The following TENM2 variants were observed in gnomAD, a reference collection of about 807,000 sequenced individuals.
TENM2 encodes teneurin transmembrane protein 2, also known as teneurin-2.
TENM2 carries 52 observed loss-of-function variants against 245.2 expected under a neutral mutation model. The observed-to-expected ratio is 0.21, with a 90% CI of 0.17 to 0.27. The LOEUF (loss-of-function observed/expected upper bound fraction) is 0.27. TENM2 is among the 10% of genes least tolerant of loss of function. The probability of loss-of-function intolerance (pLI) is 1.00; values close to 1 mark genes in which losing one functional copy is unlikely to be tolerated. For missense variants in TENM2, 3,046 were observed against 3,666.8 expected (o/e 0.83, Z 4.37); for synonymous variants, 1,363 against 1,438.9 (o/e 0.95, Z 1.19).
At chr5:167,733,532 T>C (rs1760582716) in intron 2 of TENM2, among the ~76,000 whole-genome samples, 1 of 152,172 alleles carries the variant, frequency 6.6e-6, no homozygotes. Flanking sequence ...ACAAGAAAAC[T>C]GTGATCTAAA....
intron 1 of TENM2, among the ~76,000 whole-genome samples, chr5:167,367,855 A>G (rs553408258): frequency 4.6e-5 from 7 of 152,240 alleles, no homozygotes; most frequent in South Asian, 2.1e-4. Context: ...ATAACTTTCT[A>G]TGGGCAAAAA....
Position 167,427,552 on chromosome 5 carries a change from C to T in TENM2, c.502+52079C>T, listed in dbSNP as rs71603831. Among the ~76,000 whole-genome samples, 170 of 33,344 alleles carry T rather than the reference C, an allele frequency of 5.1e-3. 1 individual carries two copies. Among genetic ancestry groups the T allele is most frequent in the African/African-American group, 0.019 (158 of 8,498 alleles). The allele number at this position is 33,344 out of a possible 152,430, so 21.9% of individuals were successfully genotyped here. The stretch of plus-strand genomic sequence containing the variant: ...GGAAGGATGGGAAGGAAGGGAAGGA[C>T]GGGAAGGAAGGGAAGGAAGGAAGGA... On this transcript the variant is annotated intron_variant, in intron 2 of 28. Transcript: ENST00000518659.
chr5:167,503,168 G>A (rs190119822), intron 2 of TENM2, among the ~76,000 whole-genome samples: 2 of 152,168 alleles, frequency 1.3e-5, no homozygotes, highest in East Asian at 3.9e-4. Context: ...ACATTTTATT[G>A]TGCAAAATTT....
intron 2 of TENM2, among the ~76,000 whole-genome samples, chr5:167,840,777 G>A (rs1021586936): frequency 4.6e-5 from 7 of 152,126 alleles, no homozygotes; most frequent in Admixed American, 4.6e-4. Flanking sequence ...CAGCGTGGCA[G>A]TAAAGATCAC....
chr5:167,002,477 T>A, the TENM2 span, among the ~76,000 whole-genome samples: 4 of 151,614 alleles, frequency 2.6e-5, no homozygotes, highest in African/African-American at 9.7e-5. Flanking sequence ...CAATCTGGAG[T>A]AAAATAAAAT....
At chr5:167,264,361 T>C in the TENM2 span, among the ~76,000 whole-genome samples, 45 of 152,332 alleles carry the variant, frequency 3.0e-4, no homozygotes, top group African/African-American at 1.1e-3. Context: ...CCGTCCAGTC[T>C]TCAGCTTCTT....
At chr5:168,047,990 G>A (rs1011783968) in intron 6 of TENM2, among the ~76,000 whole-genome samples, 1 of 152,202 alleles carries the variant, frequency 6.6e-6, no homozygotes. Flanking sequence ...CAGGAGACAT[G>A]CAGCCTCCCT....
At chr5:167,282,251 C>T (rs1771107154), upstream of TENM2, among the ~76,000 whole-genome samples, 1 of 152,116 alleles carries the variant, frequency 6.6e-6, no homozygotes, top group South Asian at 2.1e-4. Context: ...CTCAACTCCC[C>T]ATAAAACCAC....
rs1795907079 is a variant in TENM2 at position 168,127,095 on chromosome 5, A to G, written c.2422+129A>G. 4 of 812,504 alleles carry G rather than the reference A, an allele frequency of 4.9e-6. No individual in the cohort carries two copies. The South Asian group carries it at 7.1e-5, about 14-fold the overall frequency. The allele number at this position is 812,504 out of a possible 1,614,324, so 50.3% of individuals were successfully genotyped here. ...TGCCCCTCCAAATCTCCCAGGGGAT[A>G]GGGAAGGAGAAAAATGAGGTCCCTA... On this transcript the variant is annotated intron_variant, in intron 12 of 28. Transcript: ENST00000518659.
chr5:167,556,319 TG>T (rs1448553686), intron 2 of TENM2, among the ~76,000 whole-genome samples: 1 of 152,036 alleles, frequency 6.6e-6, no homozygotes, highest in Non-Finnish European at 1.5e-5. Flanking sequence ...AATGGTAGCC[TG>T]GATTCTAAAA....
chr5:167,539,393 T>C (rs980060694), intron 2 of TENM2, among the ~76,000 whole-genome samples: 4 of 151,820 alleles, frequency 2.6e-5, no homozygotes, highest in Non-Finnish European at 5.9e-5. Context: ...ATGCAATTAA[T>C]GAAATTCAAA....
At chr5:168,064,582 C>G (rs960216709) in intron 7 of TENM2, among the ~76,000 whole-genome samples, 2 of 152,210 alleles carry the variant, frequency 1.3e-5, no homozygotes, top group African/African-American at 4.8e-5. Context: ...TCCTCAATGA[C>G]AATGTCTTTT....
At chr5:167,080,132 A>G in the TENM2 span, among the ~76,000 whole-genome samples, 1,064 of 152,312 alleles carry the variant, frequency 7.0e-3, 16 homozygotes, top group African/African-American at 0.024. Context: ...TTTGTAAATA[A>G]TTTTTATAAG....
At chr5:167,019,532 G>A in the TENM2 span, among the ~76,000 whole-genome samples, 2 of 151,892 alleles carry the variant, frequency 1.3e-5, no homozygotes, top group African/African-American at 2.4e-5. Flanking sequence ...GTGCAGTGGC[G>A]CGATCTCTGC....
chr5:167,479,739 C>T (rs1451339338), intron 2 of TENM2, among the ~76,000 whole-genome samples: 1 of 152,152 alleles, frequency 6.6e-6, no homozygotes, highest in African/African-American at 2.4e-5. Flanking sequence ...ACTTACTAGA[C>T]TGTAAACTTG....
chr5:167,346,482 T>C (rs1758463721), intron 1 of TENM2, among the ~76,000 whole-genome samples: 1 of 152,232 alleles, frequency 6.6e-6, no homozygotes, highest in South Asian at 2.1e-4. Context: ...TCTTAGACTT[T>C]TTAAGATATT....
intron 2 of TENM2, among the ~76,000 whole-genome samples, chr5:167,384,068 T>G (rs972887914): frequency 6.6e-6 from 1 of 152,218 alleles, no homozygotes; most frequent in Non-Finnish European, 1.5e-5. Flanking sequence ...AATGACCGTA[T>G]GTGCTAATGA....
intron 5 of TENM2, among the ~76,000 whole-genome samples, chr5:168,006,876 G>A (rs1328590090): frequency 4.6e-5 from 7 of 152,108 alleles, no homozygotes; most frequent in Admixed American, 1.3e-4. Flanking sequence ...CTATCTGTCC[G>A]TGCTAATGAG....
intron 2 of TENM2, among the ~76,000 whole-genome samples, chr5:167,725,696 A>G (rs1289036905): frequency 6.6e-6 from 1 of 152,072 alleles, no homozygotes; most frequent in East Asian, 1.9e-4. Flanking sequence ...CAGTGCCCTG[A>G]GTGGTTTAGG....
Sources: gnomAD v4.1 joint callset for allele counts (sites outside exome capture counted in the v4.1 genomes callset) on GRCh38, gnomAD v4.1.1 for gene constraint, MANE v1.5 for transcripts, NCBI Gene and HGNC (gene_info 2026-07-23, HGNC 2026-07-21) for gene names.